The following CAMTA1 variants were observed in gnomAD, a reference collection of about 807,000 sequenced individuals.
CAMTA1 encodes calmodulin binding transcription activator 1.
Under a neutral mutation model 170.9 loss-of-function variants are expected in CAMTA1, and 27 were observed. The ratio of observed to expected loss-of-function variants is 0.16; its 90% CI spans 0.12 to 0.22. The LOEUF is 0.22. Ranked by LOEUF, CAMTA1 falls within the 10% of genes least tolerant of loss-of-function variation. The pLI is 1.00. For missense variants in CAMTA1, 1,619 were observed against 2,217.2 expected, an observed-to-expected ratio of 0.73 and a Z score of 5.42; for synonymous variants, 833 against 891.5, an observed-to-expected ratio of 0.93 and a Z score of 1.17.
chr1:7,122,975 G>A (rs140255618), intron 4 of CAMTA1, among the ~76,000 whole-genome samples: 1 of 152,162 alleles, frequency 6.6e-6, no homozygotes, highest in Non-Finnish European at 1.5e-5. Context: ...CATTCCTGTC[G>A]AAGCCCTGGA....
chr1:7,055,984 C>A (rs370317250), intron 3 of CAMTA1, among the ~76,000 whole-genome samples: 5 of 152,258 alleles, frequency 3.3e-5, no homozygotes, highest in African/African-American at 4.8e-5. Flanking sequence ...TGAGTTACAG[C>A]GAGTCACCTG....
chr1:7,480,347 ATG>A (rs551899967), intron 6 of CAMTA1, among the ~76,000 whole-genome samples: 5 of 145,966 alleles, frequency 3.4e-5, no homozygotes, highest in African/African-American at 1.0e-4. Flanking sequence ...GTATATGTGC[ATG>A]TGTGTGTTTG....
rs560529356 is a variant in CAMTA1 at position 7,490,547 on chromosome 1, G to A, written c.510+22646G>A. 2.0e-5 allele frequency among the ~76,000 whole-genome samples: 3 copies of A among 152,292 alleles called. No homozygotes were observed. In the South Asian group the frequency reaches 6.2e-4, roughly 32 times the overall value. Reference sequence around the variant, plus strand: ...CGTGCCTGCAATCCTAGCTACTCGGGAGGCTGAGGCCGGAGAATCGCTTGA... The same window carrying A: ...CGTGCCTGCAATCCTAGCTACTCGGAAGGCTGAGGCCGGAGAATCGCTTGA... On this transcript the variant is annotated intron_variant, in intron 6 of 22. Coordinates refer to ENST00000303635, the MANE Select transcript of CAMTA1 (RefSeq NM_015215.4).
In CAMTA1 at chr1:7,664,223, C is replaced by A. The variant is rs1240071529; in HGVS notation, c.1676C>A (p.Ser559Tyr). ...TCCGCGGCGGCTGTGGCAGCCAGCT[C>A]CCTCACCCTGACCGCCGGCTCCAGC... ...SSSAAAVAAS[S>Y]LTLTAGSSLL... The change falls in exon 9 of 23, where the codon TCC becomes TAC. Residue 559 changes from serine (S) to tyrosine (Y), a missense_variant. Ser to Tyr is a moderately radical substitution (Grantham distance 144). Transcript: ENST00000303635. 2 of 1,612,574 alleles carry A rather than the reference C, an allele frequency of 1.2e-6. No homozygotes were observed. Among genetic ancestry groups the A allele is most frequent in the Non-Finnish European group, 8.5e-7 (1 of 1,180,002 alleles).
At chr1:7,704,791 G>A (rs2096489420) in intron 11 of CAMTA1, among the ~76,000 whole-genome samples, 2 of 147,738 alleles carry the variant, frequency 1.4e-5, no homozygotes, top group African/African-American at 2.5e-5. Context: ...GCGGGCGCGG[G>A]GCCGGGCTGG....
chr1:7,366,241 C>T lies in CAMTA1; in HGVS notation c.439-101589C>T, dbSNP rs139691457. 3.9e-5 allele frequency among the ~76,000 whole-genome samples: 6 copies of T among 152,326 alleles called. No homozygotes were observed. The East Asian group carries it at 5.8e-4, about 15-fold the overall frequency. On this transcript the variant is annotated intron_variant, in intron 5 of 22. Transcript: ENST00000303635. ...AGAGGGGATGTCTTCAGCACATCTC[C>T]GTCCCTTTGCCAATCACACCCTGCT...
At chr1:7,186,397 G>A (rs2148916257) in intron 4 of CAMTA1, among the ~76,000 whole-genome samples, 1 of 152,310 alleles carries the variant, frequency 6.6e-6, no homozygotes, top group East Asian at 1.9e-4. Flanking sequence ...CTGGGACCTG[G>A]ACATAGGAAT....
chr1:7,737,767 G>A (rs2096782798), intron 15 of CAMTA1, among the ~76,000 whole-genome samples, 192 bp from the exon 16 acceptor site: 1 of 152,178 alleles, frequency 6.6e-6, no homozygotes, highest in Non-Finnish European at 1.5e-5. Context: ...CTATGTTCAT[G>A]CAAGAAATAC....
At chr1:6,897,919 C>A (rs1676010208) in intron 3 of CAMTA1, among the ~76,000 whole-genome samples, 1 of 152,178 alleles carries the variant, frequency 6.6e-6, no homozygotes, top group Admixed American at 6.5e-5. Flanking sequence ...TCTAGCCTGT[C>A]TTTTCATGGC....
At chr1:7,485,269 G>A (rs1001086416) in intron 6 of CAMTA1, among the ~76,000 whole-genome samples, 5 of 152,108 alleles carry the variant, frequency 3.3e-5, no homozygotes, top group East Asian at 1.9e-4. Context: ...TGTCTCCATC[G>A]TGCCTCGTCT....
chr1:6,986,096 G>T (rs1293146270), intron 3 of CAMTA1, among the ~76,000 whole-genome samples: 2 of 152,208 alleles, frequency 1.3e-5, no homozygotes, highest in Non-Finnish European at 2.9e-5. Context: ...CCGTCTTTCT[G>T]TGCCTTTCCC....
Position 7,455,658 on chromosome 1 carries a change from G to A in CAMTA1, c.439-12172G>A, listed in dbSNP as rs1379866524. 2.6e-5 allele frequency among the ~76,000 whole-genome samples: 4 copies of A among 152,208 alleles called. No individual in the cohort carries two copies. The highest frequency in any genetic ancestry group is 6.5e-5 in the Admixed American group (1 of 15,288). On this transcript the variant is annotated intron_variant, in intron 5 of 22. Coordinates refer to ENST00000303635, the MANE Select transcript of CAMTA1 (RefSeq NM_015215.4). This position sits in a 1 kb window ranked among gnomAD's most constrained non-coding sequence, Gnocchi z 5.0. ...AGTGTGCCGTGGATACCTACGTGGC[G>A]TCACAGGTGCCTAGAGCGGGCGGCG...
rs371371270 is a variant in CAMTA1, at chr1:6,898,559, TAAAC to T, written c.234+73361_234+73364del. On this transcript the variant is annotated intron_variant, in intron 3 of 22. Transcript: ENST00000303635. ...CAGAGCAAGAGCCCATCTCCAAAAA[TAAAC>T]AAACAAACAAAAGGAGATAGAAATT... Among the ~76,000 whole-genome samples, 246 of 152,128 alleles carry T rather than the reference TAAAC, an allele frequency of 1.6e-3. 1 individual carries two copies. The highest frequency in any genetic ancestry group is 6.8e-3 in the Middle Eastern group (2 of 294).
rs1461324761 is a variant in CAMTA1, at chr1:7,768,909, C to T, written c.*2418C>T. ...TCTTTCAGAATATCCTCTATTAATA[C>T]TGAATTTAGATATCTTTATTCCATT... is the stretch of plus-strand genomic sequence containing the variant. On this transcript the variant is annotated 3_prime_UTR_variant, in exon 23 of 23. Coordinates refer to ENST00000303635, the MANE Select transcript of CAMTA1 (RefSeq NM_015215.4). The T allele has an allele frequency of 6.6e-6, 1 of 152,270 alleles. No homozygotes were observed. The highest frequency in any genetic ancestry group is 1.9e-4 in the East Asian group (1 of 5,332). The allele number at this position is 152,270 out of a possible 1,614,324, so 9.4% of individuals were successfully genotyped here.
intron 3 of CAMTA1, among the ~76,000 whole-genome samples, chr1:6,859,936 C>G (rs983433567): frequency 3.9e-5 from 6 of 152,196 alleles, no homozygotes; most frequent in Non-Finnish European, 5.9e-5. Context: ...GTAGAAGACT[C>G]AGATCTCCTT....
chr1:7,181,674 A>T (rs1314434357), intron 4 of CAMTA1, among the ~76,000 whole-genome samples: 2 of 152,188 alleles, frequency 1.3e-5, no homozygotes, highest in Non-Finnish European at 2.9e-5. Flanking sequence ...CAAAGCCTTG[A>T]TAAGAAACAT....
intron 3 of CAMTA1, among the ~76,000 whole-genome samples, chr1:6,833,324 T>A (rs778400407): frequency 3.3e-5 from 5 of 152,242 alleles, no homozygotes; most frequent in Non-Finnish European, 7.3e-5. Flanking sequence ...AATAAATATT[T>A]GTTGGATGAA....
chr1:7,755,739 C>T, intron 22 of CAMTA1, 71 bp downstream of exon 22: 1 of 1,287,542 alleles, frequency 7.8e-7, no homozygotes, highest in Non-Finnish European at 1.1e-6. Flanking sequence ...TGCTTGCTTG[C>T]ATGAGGCTGC....
chr1:6,941,559 G>C (rs887654729), intron 3 of CAMTA1, among the ~76,000 whole-genome samples: 1 of 152,210 alleles, frequency 6.6e-6, no homozygotes, highest in African/African-American at 2.4e-5. Flanking sequence ...CATCAGGGAG[G>C]GTGGGGCTCC....
Sources: gnomAD v4.1 joint callset for allele counts (sites outside exome capture counted in the v4.1 genomes callset) on GRCh38, gnomAD v4.1.1 for gene constraint, Gnocchi (gnomAD v3.1) non-coding constraint, MANE v1.5 for transcripts, NCBI Gene and HGNC (gene_info 2026-07-23, HGNC 2026-07-21) for gene names.